Variants in EIF2B5 observed in about 807,000 individuals in gnomAD.
EIF2B5 encodes translation initiation factor eIF2B subunit epsilon.
In EIF2B5, 38 loss-of-function variants were observed where a neutral mutation model predicts 87.3. The observed-to-expected ratio is 0.44, with a 90% CI of 0.34 to 0.57. The LOEUF (loss-of-function observed/expected upper bound fraction) is 0.57, where lower values mean the gene tolerates loss of function less well. Ranked by LOEUF, EIF2B5 falls within the 20% of genes least tolerant of loss-of-function variation. The pLI is 0.02. For missense variants in EIF2B5, 784 were observed against 909.5 expected (o/e 0.86, Z 1.78); for synonymous variants, 313 against 339.6 (o/e 0.92, Z 0.86).
At chr3:184,135,630 T>C in intron 1 of EIF2B5, 50 bp downstream of exon 1, 1 of 1,553,028 alleles carries the variant, frequency 6.4e-7, no homozygotes, top group Non-Finnish European at 8.7e-7. Context: ...GTGGCAGGGC[T>C]GGAGCAAGTT....
Position 184,136,470 on chromosome 3 carries a change from C to T in EIF2B5, c.196-142C>T, listed in dbSNP as rs1311576603. 9 of 1,112,254 alleles carry T rather than the reference C, an allele frequency of 8.1e-6. No individual in the cohort carries two copies. The East Asian group carries it at 1.9e-4, about 24-fold the overall frequency. 68.9% of individuals were successfully genotyped at this position (1,112,254 alleles called of 1,614,324 possible). A position where few individuals can be genotyped will look rare whatever the true frequency, so the allele number is the denominator to read the frequency against. On this transcript the variant is annotated intron_variant, in intron 1 of 15. Transcript: ENST00000648915. Reference sequence around the variant, plus strand: ...TAGAGCATGGCATGAACATCAAAGGCAGGAACCTGTTTATCTTTGAATTGG... The same window carrying T: ...TAGAGCATGGCATGAACATCAAAGGTAGGAACCTGTTTATCTTTGAATTGG...
At chr3:184,143,801 C>T in intron 13 of EIF2B5, 1 of 681,294 alleles carries the variant, frequency 1.5e-6, no homozygotes, top group South Asian at 1.8e-5. Context: ...AAGGTATATT[C>T]AGAATGGACC....
Position 184,138,094 on chromosome 3 carries a change from T to A in EIF2B5, c.684+19T>A. 6.2e-7 allele frequency: 1 copy of A among 1,614,078 alleles called. No homozygotes were observed. The highest frequency in any genetic ancestry group is 1.1e-5 in the South Asian group (1 of 91,076). Reference sequence around the variant, plus strand: ...TCCTCTGGTGTGTGGATATCTGGGGTCCTTTGAGATGGGGAAGTGACAGGC... The same window carrying A: ...TCCTCTGGTGTGTGGATATCTGGGGACCTTTGAGATGGGGAAGTGACAGGC... On this transcript the variant is annotated intron_variant, in intron 4 of 15. Coordinates refer to ENST00000648915, the MANE Select transcript of EIF2B5 (RefSeq NM_003907.3).
intron 1 of EIF2B5, 130 bp from the exon 2 acceptor site, chr3:184,136,482 T>C: frequency 8.0e-7 from 1 of 1,251,126 alleles, no homozygotes; most frequent in Non-Finnish European, 1.1e-6. Flanking sequence ...GGAACCTGTT[T>C]ATCTTTGAAT....
At chr3:184,144,736 G>C in intron 15 of EIF2B5, 29 bp downstream of exon 15, 1 of 1,604,618 alleles carries the variant, frequency 6.2e-7, no homozygotes, top group Non-Finnish European at 8.5e-7. Context: ...CTCTCGCCAA[G>C]ATGGTTATCT....
chr3:184,139,574 C>T (rs1713528644), intron 5 of EIF2B5, among the ~76,000 whole-genome samples: 1 of 151,148 alleles, frequency 6.6e-6, no homozygotes, highest in Non-Finnish European at 1.5e-5. Context: ...AGCCACTGCA[C>T]CTGGCCTTTT....
At position 184,138,084 on chromosome 3, in the gene EIF2B5, A is replaced by G. The variant is rs750859301; in HGVS notation, c.684+9A>G. The G allele has an allele frequency of 1.2e-6, 2 of 1,614,100 alleles. No individual in the cohort carries two copies. The highest frequency in any genetic ancestry group is 1.7e-5 in the Admixed American group (1 of 60,014). ...GTTTTGCATTTCCTCTGGTGTGTGG[A>G]TATCTGGGGTCCTTTGAGATGGGGA... On this transcript the variant is annotated intron_variant, in intron 4 of 15. Coordinates refer to ENST00000648915, the MANE Select transcript of EIF2B5 (RefSeq NM_003907.3).
At chr3:184,144,535 T>C in intron 14 of EIF2B5, 62 bp from the exon 15 acceptor site, 1 of 1,455,460 alleles carries the variant, frequency 6.9e-7, no homozygotes, top group Non-Finnish European at 9.6e-7. Context: ...TCTGAGGGCC[T>C]GGTAGAGTAT....
At chr3:184,141,866 G>GGGCTC in intron 7 of EIF2B5, 59 bp from the exon 8 acceptor site, 1 of 1,610,410 alleles carries the variant, frequency 6.2e-7, no homozygotes, top group South Asian at 1.1e-5. Flanking sequence ...CCTCTATGAA[G>GGGCTC]GGCTCTGCTC....
Position 184,137,706 on chromosome 3 carries a change from G to A in EIF2B5, c.407G>A (p.Arg136His), listed in dbSNP as rs958193703. The A allele has an allele frequency of 2.5e-6, 4 of 1,614,156 alleles. No homozygotes were observed. The highest frequency in any genetic ancestry group is 1.7e-5 in the Admixed American group (1 of 60,018). ...TATCGATCACTGGGAGATGTCCTCC[G>A]TGATGTTGATGCCAAGGCTTTGGTG... Reference protein sequence around the residue: ...ELYRSLGDVLRDVDAKALVRS... With the variant: ...ELYRSLGDVLHDVDAKALVRS... The change falls in exon 3 of 16, where the codon CGT (arginine) becomes CAT (histidine). Residue 136 changes from arginine (R) to histidine (H), a missense_variant. Around this residue, in one of 3 missense-constraint regions of EIF2B5, gnomAD observed 660 missense variants for 789.5 expected, o/e 0.84. Coordinates refer to ENST00000648915, the MANE Select transcript of EIF2B5 (RefSeq NM_003907.3).
chr3:184,140,846 T>A, intron 7 of EIF2B5, 116 bp downstream of exon 7: 1 of 1,221,596 alleles, frequency 8.2e-7, no homozygotes, highest in Non-Finnish European at 1.2e-6. Context: ...AATAAGGAAC[T>A]ATAGAGCGGC....
At position 184,142,762 on chromosome 3, in the gene EIF2B5, C is replaced by T. The variant is rs764994104; in HGVS notation, c.1547-17C>T. ...TGACTCTTTTTTTCTTTTTCCTCAC[C>T]CATTATGGCTTCTCAGGACTCAAGA... On this transcript the variant is annotated splice_polypyrimidine_tract_variant and intron_variant, in intron 10 of 15. Coordinates refer to ENST00000648915, the MANE Select transcript of EIF2B5 (RefSeq NM_003907.3). The surrounding 1 kb of genome is among the most constrained non-coding windows in gnomAD (Gnocchi z 5.0). The T allele has an allele frequency of 2.4e-5, 38 of 1,610,510 alleles. No individual in the cohort carries two copies. The highest frequency in any genetic ancestry group is 3.0e-5 in the Non-Finnish European group (35 of 1,177,708).
At position 184,136,867 on chromosome 3, in the gene EIF2B5, A is replaced by AT. The variant is rs1378667959; in HGVS notation, c.320+135dup. 46 of 1,319,042 alleles carry AT rather than the reference A, an allele frequency of 3.5e-5. No individual in the cohort carries two copies. The Middle Eastern group carries it at 5.5e-4, about 16-fold the overall frequency. The allele number at this position is 1,319,042 out of a possible 1,614,324, so 81.7% of individuals were successfully genotyped here. A position where few individuals can be genotyped will look rare whatever the true frequency, so the allele number is the denominator to read the frequency against. On this transcript the variant is annotated intron_variant, in intron 2 of 15. Transcript: ENST00000648915. ...AGATGTCATTGTAAGTTCTAAGGGT[A>AT]TTTTCTACACTTATCAGGAGGTGAG...
chr3:184,136,440 A>G (rs909275404), intron 1 of EIF2B5, among the ~76,000 whole-genome samples, 172 bp from the exon 2 acceptor site: 1 of 152,258 alleles, frequency 6.6e-6, no homozygotes, highest in African/African-American at 2.4e-5. Flanking sequence ...TCTCAGACTC[A>G]GGCTTAGAGC....
At chr3:184,140,855 G>A in intron 7 of EIF2B5, 125 bp downstream of exon 7, 1 of 1,124,348 alleles carries the variant, frequency 8.9e-7, no homozygotes, top group East Asian at 2.5e-5. Context: ...CTATAGAGCG[G>A]CTACCTCAGG....
intron 5 of EIF2B5, chr3:184,138,882 G>A (rs1201112244): frequency 2.4e-5 from 7 of 293,244 alleles, no homozygotes; most frequent in Non-Finnish European, 3.4e-5. Flanking sequence ...GCCTGGTCAC[G>A]AACTCCTGAG....
rs1713663779 is a variant in EIF2B5 at position 184,142,159 on chromosome 3, G to A, written c.1303-78G>A. The stretch of plus-strand genomic sequence containing the variant: ...GGGCATTATTTCCACCCATAATCCT[G>A]TCTAAAAAAGTTGCTCTCATTATCA... On this transcript the variant is annotated intron_variant, in intron 8 of 15. Coordinates refer to ENST00000648915, the MANE Select transcript of EIF2B5 (RefSeq NM_003907.3). The surrounding 1 kb of genome is among the most constrained non-coding windows in gnomAD (Gnocchi z 5.0). The A allele has an allele frequency of 3.7e-6, 6 of 1,613,796 alleles. No homozygotes were observed. Among genetic ancestry groups the A allele is most frequent in the Non-Finnish European group, 5.1e-6 (6 of 1,179,962 alleles).
chr3:184,137,588 A>G, intron 2 of EIF2B5, 32 bp from the exon 3 acceptor site: 1 of 1,603,874 alleles, frequency 6.2e-7, no homozygotes, highest in Non-Finnish European at 8.5e-7. Context: ...TATGCTTGAT[A>G]CACTCATTCC....
chr3:184,136,617 C>G lies in EIF2B5; in HGVS notation c.201C>G (p.Leu67=). Residue 67 remains leucine (L), a synonymous_variant, in exon 2 of 16, where the codon CTC becomes CTG. Transcript: ENST00000648915. ...FPISKDQPRV[L]LPLANVALID... ...TTTCATCTTGTATCCTTCAGGTCCT[C>G]TTGCCCCTGGCCAATGTGGCATTAA... is the stretch of plus-strand genomic sequence containing the variant. 1.9e-6 allele frequency: 3 copies of G among 1,614,178 alleles called. No homozygotes were observed. Among genetic ancestry groups the G allele is most frequent in the Non-Finnish European group, 2.5e-6 (3 of 1,180,038 alleles).
Sources: gnomAD v4.1 joint callset for allele counts (sites outside exome capture counted in the v4.1 genomes callset) on GRCh38, gnomAD v4.1.1 for gene constraint, gnomAD v4.1.1 regional missense constraint, Gnocchi (gnomAD v3.1) non-coding constraint, MANE v1.5 for transcripts, NCBI Gene and HGNC (gene_info 2026-07-23, HGNC 2026-07-21) for gene names.